RNF220: variants seen among roughly 807,000 people sequenced by gnomAD.
RNF220 encodes ring finger protein 220.
In RNF220, 7 loss-of-function variants were observed where a neutral mutation model predicts 67.1. The observed-to-expected ratio is 0.10, with a 90% CI of 0.06 to 0.20. The LOEUF (loss-of-function observed/expected upper bound fraction) is 0.20, where lower values mean the gene tolerates loss of function less well. Ranked by LOEUF, RNF220 falls within the 10% of genes least tolerant of loss-of-function variation. The pLI, the probability that RNF220 is intolerant of heterozygous loss-of-function variation, is 1.00. For synonymous variants in RNF220, 270 were observed against 283.2 expected, an observed-to-expected ratio of 0.95 and a Z score of 0.47; for missense variants, 565 against 740.3, an observed-to-expected ratio of 0.76 and a Z score of 2.75.
intron 2 of RNF220, among the ~76,000 whole-genome samples, chr1:44,515,878 A>G (rs539126176): frequency 3.3e-5 from 5 of 152,226 alleles, no homozygotes; most frequent in Non-Finnish European, 7.3e-5. Context: ...TGTAAATTAC[A>G]TACACTTTCC....
chr1:44,549,724 A>G (rs1558033842), intron 2 of RNF220, among the ~76,000 whole-genome samples: 2 of 152,186 alleles, frequency 1.3e-5, no homozygotes, highest in African/African-American at 2.4e-5. Flanking sequence ...CAGAGAGAGC[A>G]TGTGTTCACC....
intron 2 of RNF220, among the ~76,000 whole-genome samples, chr1:44,482,060 T>A (rs1269267483): frequency 6.6e-6 from 1 of 152,184 alleles, no homozygotes; most frequent in Admixed American, 6.5e-5. Context: ...CTGCATGCAG[T>A]ACTTGGGCCC....
At chr1:44,477,063 A>G (rs1655363749) in intron 2 of RNF220, among the ~76,000 whole-genome samples, 1 of 152,180 alleles carries the variant, frequency 6.6e-6, no homozygotes, top group South Asian at 2.1e-4. Flanking sequence ...TTCTTATTAA[A>G]AATAAGAGGA....
In RNF220 at chr1:44,650,052, G is replaced by T; in HGVS notation, c.1629+95G>T. The T allele has an allele frequency of 7.5e-7, 1 of 1,332,140 alleles. No homozygotes were observed. The highest frequency in any genetic ancestry group is 1.1e-6 in the Non-Finnish European group (1 of 949,016). 82.5% of individuals were successfully genotyped at this position (1,332,140 alleles called of 1,614,324 possible). ...TGAGCCTGCCTGGGGGAAGTGGGGA[G>T]CATGGCGCAAAGGAGAACAGAGCCA... is the stretch of plus-strand genomic sequence containing the variant. On this transcript the variant is annotated intron_variant, in intron 14 of 14. Coordinates refer to ENST00000361799, the MANE Select transcript of RNF220 (RefSeq NM_018150.4). This position sits in a 1 kb window ranked among gnomAD's most constrained non-coding sequence, Gnocchi z 4.3.
At chr1:44,640,760 A>G (rs568996714) in intron 8 of RNF220, among the ~76,000 whole-genome samples, 69 of 152,210 alleles carry the variant, frequency 4.5e-4, no homozygotes, top group South Asian at 1.2e-3. Context: ...CAGCTCCCCA[A>G]TCGATGGCGT....
At chr1:44,419,113 G>C (rs934545517) in intron 2 of RNF220, among the ~76,000 whole-genome samples, 1 of 152,134 alleles carries the variant, frequency 6.6e-6, no homozygotes, top group Non-Finnish European at 1.5e-5. Flanking sequence ...ATTTTATCCC[G>C]TCTTAAAGAG....
intron 2 of RNF220, among the ~76,000 whole-genome samples, chr1:44,556,778 C>G (rs1455912644): frequency 6.6e-6 from 1 of 152,108 alleles, no homozygotes; most frequent in African/African-American, 2.4e-5. Context: ...CCAGGATGGT[C>G]TCAATCTCCT....
intron 2 of RNF220, among the ~76,000 whole-genome samples, chr1:44,538,391 T>G (rs570858342): frequency 6.6e-6 from 1 of 152,304 alleles, no homozygotes; most frequent in South Asian, 2.1e-4. Flanking sequence ...TACTCTTGTT[T>G]TTGTCATTTT....
At chr1:44,632,733 G>T (rs1357027522) in intron 6 of RNF220, 1 of 394,268 alleles carries the variant, frequency 2.5e-6, no homozygotes, top group East Asian at 4.5e-5. Flanking sequence ...CCTGCAGGGC[G>T]CTGAGAATGT....
chr1:44,477,844 T>G (rs761600013), intron 2 of RNF220, among the ~76,000 whole-genome samples: 1 of 152,162 alleles, frequency 6.6e-6, no homozygotes, highest in Non-Finnish European at 1.5e-5. Context: ...CAGGTAAACT[T>G]CTCCATGGAG....
chr1:44,575,949 C>T lies in RNF220; in HGVS notation c.626-38216C>T, dbSNP rs193249016. Among the ~76,000 whole-genome samples, 4 of 152,276 alleles carry T rather than the reference C, an allele frequency of 2.6e-5. No individual in the cohort carries two copies. In the East Asian group the frequency reaches 7.7e-4, roughly 29 times the overall value. ...CTGTGTGACATGCTCCATAATGGGCCCTGGGACCACCAGGTTGACGAGGAC... is the reference window on the plus strand; with the variant it reads ...CTGTGTGACATGCTCCATAATGGGCTCTGGGACCACCAGGTTGACGAGGAC... On this transcript the variant is annotated intron_variant, in intron 2 of 14. Coordinates refer to ENST00000361799, the MANE Select transcript of RNF220 (RefSeq NM_018150.4).
chr1:44,566,725 G>A (rs565857748), intron 2 of RNF220, among the ~76,000 whole-genome samples: 4 of 144,880 alleles, frequency 2.8e-5, no homozygotes, highest in Non-Finnish European at 6.3e-5. Flanking sequence ...TTGGAGGGCG[G>A]CTGCTAATGG....
intron 2 of RNF220, among the ~76,000 whole-genome samples, chr1:44,549,310 TAGGAG>T (rs1360133453): frequency 6.6e-6 from 1 of 152,212 alleles, no homozygotes; most frequent in Non-Finnish European, 1.5e-5. Context: ...GCCTTGCATA[TAGGAG>T]GCTCTCTGAA....
At chr1:44,597,388 G>GAC (rs1666574861) in intron 2 of RNF220, among the ~76,000 whole-genome samples, 1 of 151,860 alleles carries the variant, frequency 6.6e-6, no homozygotes, top group African/African-American at 2.4e-5. Context: ...AATTTGAAGA[G>GAC]ACAAAGGAAA....
chr1:44,632,473 C>G (rs1234991834), intron 6 of RNF220, 88 bp downstream of exon 6: 4 of 1,083,494 alleles, frequency 3.7e-6, no homozygotes, highest in South Asian at 1.3e-5. Flanking sequence ...TTGCCTGGGT[C>G]TCTTCGACTC....
chr1:44,484,070 T>C (rs1258913838), intron 2 of RNF220, among the ~76,000 whole-genome samples: 1 of 152,202 alleles, frequency 6.6e-6, no homozygotes, highest in Non-Finnish European at 1.5e-5. Context: ...CTTCACAAGC[T>C]GTAGAGCCTC....
chr1:44,421,094 A>C (rs1049488628), intron 2 of RNF220, among the ~76,000 whole-genome samples: 2 of 152,222 alleles, frequency 1.3e-5, no homozygotes, highest in African/African-American at 4.8e-5. Flanking sequence ...CACCAGGATT[A>C]GCCCTGGTGT....
At chr1:44,572,535 T>C (rs1168350614) in intron 2 of RNF220, among the ~76,000 whole-genome samples, 3 of 152,256 alleles carry the variant, frequency 2.0e-5, no homozygotes, top group African/African-American at 4.8e-5. Context: ...AAGTGGGTGC[T>C]GAATAATGTT....
chr1:44,587,145 C>CTTT (rs60300155), intron 2 of RNF220, among the ~76,000 whole-genome samples: 12 of 124,110 alleles, frequency 9.7e-5, no homozygotes, highest in South Asian at 2.4e-4. Flanking sequence ...CTTCTTCTTC[C>CTTT]TTTTTTTTTT....
Sources: gnomAD v4.1 joint callset for allele counts (sites outside exome capture counted in the v4.1 genomes callset) on GRCh38, gnomAD v4.1.1 for gene constraint, Gnocchi (gnomAD v3.1) non-coding constraint, MANE v1.5 for transcripts, NCBI Gene and HGNC (gene_info 2026-07-23, HGNC 2026-07-21) for gene names.